IL1RAPL1: variants seen among roughly 807,000 people sequenced by gnomAD.
IL1RAPL1 encodes the protein interleukin-1 receptor accessory protein-like 1.
IL1RAPL1 carries 3 observed loss-of-function variants against 48.4 expected under a neutral mutation model. That is an observed-to-expected ratio of 0.06 (90% CI 0.03 to 0.16). IL1RAPL1 has a LOEUF of 0.16. Ranked by LOEUF, IL1RAPL1 falls within the 10% of genes least tolerant of loss-of-function variation. The pLI is 1.00. For synonymous variants in IL1RAPL1, 185 were observed against 187.7 expected, an observed-to-expected ratio of 0.99 and a Z score of 0.12; for missense variants, 349 against 530.6, an observed-to-expected ratio of 0.66 and a Z score of 3.36.
intron 2 of IL1RAPL1, among the ~76,000 whole-genome samples, chrX:28,791,860 C>A (rs1450969290): frequency 9.0e-6 from 1 of 111,353 alleles, no homozygotes; most frequent in Non-Finnish European, 1.9e-5. Flanking sequence ...TCCTGTGGCA[C>A]CTTTGTTTGA....
chrX:29,490,228 A>G (rs1295070505), intron 5 of IL1RAPL1, among the ~76,000 whole-genome samples: 2 of 111,777 alleles, frequency 1.8e-5, no homozygotes, highest in African/African-American at 6.5e-5. Flanking sequence ...AAAAAAAGCC[A>G]TAAAAAGGTA....
At chrX:29,480,941 T>C (rs1351039107) in intron 5 of IL1RAPL1, among the ~76,000 whole-genome samples, 2 of 112,213 alleles carry the variant, frequency 1.8e-5, no homozygotes, top group South Asian at 3.7e-4. Flanking sequence ...TTATGTTTTC[T>C]TTATTGCAAA....
intron 3 of IL1RAPL1, among the ~76,000 whole-genome samples, chrX:29,363,161 A>G (rs1006736669): frequency 6.3e-5 from 7 of 111,890 alleles, no homozygotes; most frequent in South Asian, 3.8e-4. Flanking sequence ...AGTATTTTGT[A>G]TGCCACATCT....
At chrX:29,383,820 C>G (rs1007356053) in intron 3 of IL1RAPL1, among the ~76,000 whole-genome samples, 1 of 111,663 alleles carries the variant, frequency 9.0e-6, no homozygotes, top group Non-Finnish European at 1.9e-5. Context: ...AGTTCCCTTC[C>G]CCAAAAACCT....
At chrX:28,676,906 A>T (rs1290468479) in intron 1 of IL1RAPL1, among the ~76,000 whole-genome samples, 1 of 111,411 alleles carries the variant, frequency 9.0e-6, no homozygotes, top group Non-Finnish European at 1.9e-5. Context: ...TTATTGTACC[A>T]ATTATATAAC....
intron 1 of IL1RAPL1, among the ~76,000 whole-genome samples, chrX:28,776,183 G>T (rs780067032): frequency 9.9e-5 from 11 of 111,555 alleles, no homozygotes; most frequent in Admixed American, 1.9e-4. Flanking sequence ...GTAGATTCTG[G>T]AAAGTAGAAT....
intron 5 of IL1RAPL1, among the ~76,000 whole-genome samples, chrX:29,638,884 AT>A (rs1458781482): frequency 1.8e-5 from 2 of 112,356 alleles, no homozygotes; most frequent in Non-Finnish European, 3.8e-5. Context: ...AGTGAAATAT[AT>A]TTTTAAGAAC....
chrX:29,260,353 G>A (rs921029554), intron 2 of IL1RAPL1, among the ~76,000 whole-genome samples: 9 of 112,046 alleles, frequency 8.0e-5, no homozygotes, highest in East Asian at 2.8e-4. Context: ...GAAGTTTAAC[G>A]GACTCGCAGT....
chrX:28,674,549 T>G (rs2146916160), intron 1 of IL1RAPL1, among the ~76,000 whole-genome samples: 1 of 111,979 alleles, frequency 8.9e-6, no homozygotes, highest in South Asian at 3.7e-4. Context: ...AATGGCCATT[T>G]ACCCTAGATT....
chrX:29,584,010 A>G (rs937533840), intron 5 of IL1RAPL1, among the ~76,000 whole-genome samples: 5 of 111,494 alleles, frequency 4.5e-5, no homozygotes, highest in Non-Finnish European at 9.4e-5. Context: ...GATAGAGTCT[A>G]AGATTGCTCC....
chrX:29,257,757 C>G (rs778043324), intron 2 of IL1RAPL1, among the ~76,000 whole-genome samples: 198 of 111,896 alleles, frequency 1.8e-3, no homozygotes, highest in Middle Eastern at 9.2e-3. Flanking sequence ...TATTCCTTTG[C>G]AGAGAGCTTC....
chrX:29,536,317 TCTA>T (rs1921230085), intron 5 of IL1RAPL1, among the ~76,000 whole-genome samples: 1 of 111,744 alleles, frequency 8.9e-6, no homozygotes, highest in South Asian at 3.6e-4. Flanking sequence ...ACAAGAAAAA[TCTA>T]TTCATGACAT....
chrX:28,670,021 C>T (rs1404937947), intron 1 of IL1RAPL1, among the ~76,000 whole-genome samples: 2 of 110,340 alleles, frequency 1.8e-5, no homozygotes, highest in African/African-American at 6.6e-5. Flanking sequence ...TGGTGCTATT[C>T]TAATTGCATA....
Position 29,655,302 on chromosome X carries a change from G to T in IL1RAPL1, c.704-13128G>T, listed in dbSNP as rs1488232863. Among the ~76,000 whole-genome samples, 3 of 111,910 alleles carry T rather than the reference G, an allele frequency of 2.7e-5. No individual in the cohort carries two copies. The South Asian group carries it at 1.1e-3, about 42-fold the overall frequency. ...AAGTTTCTCCCACCTCCCTCCCACA[G>T]CATTGCTCATAATCAGGAAAAATAT... On this transcript the variant is annotated intron_variant, in intron 5 of 10. Coordinates refer to ENST00000378993, the MANE Select transcript of IL1RAPL1 (RefSeq NM_014271.4).
At chrX:28,970,376 A>C (rs941405380) in intron 2 of IL1RAPL1, among the ~76,000 whole-genome samples, 1 of 112,814 alleles carries the variant, frequency 8.9e-6, no homozygotes, top group East Asian at 2.8e-4. Context: ...ATAAGGATTT[A>C]GAAATGAACA....
rs143070731 is a variant in IL1RAPL1 at position 28,910,533 on chromosome X, G to A, written c.82+121108G>A. On this transcript the variant is annotated intron_variant, in intron 2 of 10. Transcript: ENST00000378993. ...GAAACTGTCATCAGTGTTAGGTTCA[G>A]CACTATGTTTTCATTAAAAAAAGAA... 4.7e-3 allele frequency among the ~76,000 whole-genome samples: 510 copies of A among 108,616 alleles called. 4 individuals are homozygous for A. Among genetic ancestry groups the A allele is most frequent in the African/African-American group, 0.016 (479 of 30,041 alleles). 94.3% of individuals were successfully genotyped at this position (108,616 alleles called of 115,157 possible).
chrX:28,845,059 C>G (rs1921472192), intron 2 of IL1RAPL1, among the ~76,000 whole-genome samples: 1 of 111,795 alleles, frequency 8.9e-6, no homozygotes, highest in Non-Finnish European at 1.9e-5. Flanking sequence ...TTTCAGAAGG[C>G]TTCTCTGGTG....
chrX:29,090,874 T>C (rs756341411), intron 2 of IL1RAPL1, among the ~76,000 whole-genome samples: 12 of 112,422 alleles, frequency 1.1e-4, no homozygotes, highest in Non-Finnish European at 2.1e-4. Flanking sequence ...CTCAAAACCA[T>C]AGAGGCTGAG....
intron 2 of IL1RAPL1, among the ~76,000 whole-genome samples, chrX:29,027,424 T>C (rs1309970338): frequency 8.9e-6 from 1 of 112,087 alleles, no homozygotes; most frequent in Non-Finnish European, 1.9e-5. Context: ...GTACCACAGT[T>C]TATTCATTCG....
Sources: allele counts gnomAD v4.1 joint callset (sites outside exome capture counted in the v4.1 genomes callset), GRCh38; gene constraint gnomAD v4.1.1; transcripts MANE v1.5; gene names NCBI Gene and HGNC (gene_info 2026-07-23, HGNC 2026-07-21).